The following BRINP3 variants were observed in gnomAD, a reference collection of about 807,000 sequenced individuals.
BRINP3 encodes BMP/retinoic acid inducible neural specific 3, also known as BMP/retinoic acid-inducible neural-specific protein 3.
A neutral mutation model predicts 71.0 loss-of-function variants in BRINP3; 19 were observed. The observed-to-expected ratio is 0.27, with a 90% CI of 0.19 to 0.39. The LOEUF (loss-of-function observed/expected upper bound fraction) is 0.39, where lower values mean the gene tolerates loss of function less well. Ranked by LOEUF, BRINP3 falls within the 10% of genes least tolerant of loss-of-function variation. BRINP3 has a pLI of 1.00. For missense variants in BRINP3, 959 were observed against 940.8 expected, an observed-to-expected ratio of 1.02 and a Z score of -0.25; for synonymous variants, 380 against 337.7, an observed-to-expected ratio of 1.13 and a Z score of -1.37.
chr1:190,357,888 T>C (rs1668842122), intron 2 of BRINP3, among the ~76,000 whole-genome samples: 1 of 151,890 alleles, frequency 6.6e-6, no homozygotes, highest in South Asian at 2.1e-4. Flanking sequence ...TTGACAAACC[T>C]GACAAAAACA....
chr1:190,295,793 C>A lies in BRINP3; in HGVS notation c.237-14043G>T, dbSNP rs527704104. ...CTTTCCCTCCCCAAGCAGCCAGTTT[C>A]TCTCTCCACACTGCTCTCCCTGGTA... On this transcript the variant is annotated intron_variant, in intron 2 of 7. Coordinates refer to ENST00000367462, the MANE Select transcript of BRINP3 (RefSeq NM_199051.3). Among the ~76,000 whole-genome samples the A allele has an allele frequency of 2.2e-3, 328 of 152,196 alleles. 4 individuals are homozygous for A. The highest frequency in any genetic ancestry group is 6.5e-3 in the African/African-American group (269 of 41,536).
chr1:190,324,718 T>G (rs7548837), intron 2 of BRINP3, among the ~76,000 whole-genome samples: 19,809 of 151,878 alleles, frequency 0.13, 1,679 homozygotes, highest in South Asian at 0.26. Context: ...TAGATATCCA[T>G]GTTTATATAA....
chr1:190,229,551 T>C (rs1233425038), intron 5 of BRINP3, among the ~76,000 whole-genome samples: 1 of 151,564 alleles, frequency 6.6e-6, no homozygotes, highest in Non-Finnish European at 1.5e-5. Context: ...AAAGTACAAA[T>C]TGACATTTAT....
At chr1:190,145,652 A>G (rs760848840) in intron 7 of BRINP3, among the ~76,000 whole-genome samples, 1 of 152,206 alleles carries the variant, frequency 6.6e-6, no homozygotes, top group South Asian at 2.1e-4. Context: ...CTACCATTCA[A>G]TCCAGCAATC....
At chr1:190,193,522 A>G (rs1206511455) in intron 6 of BRINP3, among the ~76,000 whole-genome samples, 2 of 152,074 alleles carry the variant, frequency 1.3e-5, no homozygotes, top group Admixed American at 6.6e-5. Context: ...CCCAAAAAAT[A>G]CATGTACTAA....
At chr1:190,135,336 C>T (rs1654883498) in intron 7 of BRINP3, among the ~76,000 whole-genome samples, 1 of 151,960 alleles carries the variant, frequency 6.6e-6, no homozygotes, top group South Asian at 2.1e-4. Context: ...TTCAGTTATG[C>T]TTGGGGATTT....
At chr1:190,400,542 A>G (rs1387181527) in intron 2 of BRINP3, among the ~76,000 whole-genome samples, 1 of 152,142 alleles carries the variant, frequency 6.6e-6, no homozygotes, top group Non-Finnish European at 1.5e-5. Context: ...GTGAGGTTTC[A>G]GCGTGAGGTT....
At chr1:190,385,907 AATG>A (rs1432623795) in intron 2 of BRINP3, among the ~76,000 whole-genome samples, 2 of 147,406 alleles carry the variant, frequency 1.4e-5, no homozygotes, top group African/African-American at 5.0e-5. Flanking sequence ...AGCCATAAAA[AATG>A]ATGAGTTCAT....
chr1:190,181,088 A>G (rs1239402690), intron 6 of BRINP3, among the ~76,000 whole-genome samples: 1 of 152,082 alleles, frequency 6.6e-6, no homozygotes, highest in Non-Finnish European at 1.5e-5. Context: ...CCTGGCAAAC[A>G]CTACCCAATC....
chr1:190,442,710 TTG>T (rs566633175), intron 2 of BRINP3, among the ~76,000 whole-genome samples: 2 of 151,306 alleles, frequency 1.3e-5, no homozygotes, highest in African/African-American at 4.9e-5. Context: ...TGTGGTTACT[TTG>T]TGTGTATTTT....
intron 7 of BRINP3, among the ~76,000 whole-genome samples, chr1:190,133,994 T>C (rs987700315): frequency 6.6e-6 from 1 of 152,126 alleles, no homozygotes; most frequent in Non-Finnish European, 1.5e-5. Context: ...ACTTACTACA[T>C]TTCTTGTGTT....
chr1:190,304,435 A>G (rs1371172297), intron 2 of BRINP3, among the ~76,000 whole-genome samples: 1 of 151,940 alleles, frequency 6.6e-6, no homozygotes, highest in African/African-American at 2.4e-5. Context: ...ACAGACACAT[A>G]GACCAATGAA....
At chr1:190,250,208 C>T (rs542473165) in intron 4 of BRINP3, among the ~76,000 whole-genome samples, 1 of 151,836 alleles carries the variant, frequency 6.6e-6, no homozygotes, top group African/African-American at 2.4e-5. Flanking sequence ...TCCTCTTAAG[C>T]AGCATAATGG....
intron 2 of BRINP3, among the ~76,000 whole-genome samples, chr1:190,335,988 T>C (rs1667260430): frequency 6.6e-6 from 1 of 152,038 alleles, no homozygotes; most frequent in Non-Finnish European, 1.5e-5. Context: ...AGCCTATCAG[T>C]GAATTTCTAC....
intron 2 of BRINP3, among the ~76,000 whole-genome samples, chr1:190,435,186 C>T (rs572863896): frequency 1.3e-5 from 2 of 152,224 alleles, no homozygotes; most frequent in South Asian, 4.1e-4. Context: ...ATTAACACAG[C>T]CATTTTAAAT....
intron 2 of BRINP3, among the ~76,000 whole-genome samples, chr1:190,426,848 C>A (rs1673740019): frequency 1.3e-5 from 2 of 151,648 alleles, no homozygotes; most frequent in Non-Finnish European, 3.0e-5. Context: ...ATTTTGTAAG[C>A]AAGTTACTTA....
chr1:190,285,812 T>C (rs1663381031), intron 2 of BRINP3, among the ~76,000 whole-genome samples: 1 of 151,842 alleles, frequency 6.6e-6, no homozygotes, highest in Non-Finnish European at 1.5e-5. Flanking sequence ...AACAAAGCAA[T>C]GGAGCGCTGA....
At chr1:190,311,548 A>G (rs1158690208) in intron 2 of BRINP3, among the ~76,000 whole-genome samples, 1 of 151,726 alleles carries the variant, frequency 6.6e-6, no homozygotes, top group African/African-American at 2.4e-5. Context: ...AAAAAGTAAT[A>G]TTAATAAAAA....
At chr1:190,211,040 T>A (rs1279766664) in intron 6 of BRINP3, among the ~76,000 whole-genome samples, 1 of 152,106 alleles carries the variant, frequency 6.6e-6, no homozygotes, top group Non-Finnish European at 1.5e-5. Flanking sequence ...TTGGCCACAC[T>A]GAAGGCTACA....
Sources: gnomAD v4.1 joint callset for allele counts (sites outside exome capture counted in the v4.1 genomes callset) on GRCh38, gnomAD v4.1.1 for gene constraint, MANE v1.5 for transcripts, NCBI Gene and HGNC (gene_info 2026-07-23, HGNC 2026-07-21) for gene names.